The following UCK2 variants were observed in gnomAD, a reference collection of about 807,000 sequenced individuals.
UCK2 encodes the protein cytidine monophosphokinase 2.
In UCK2, 6 loss-of-function variants were observed where a neutral mutation model predicts 30.8. That is an observed-to-expected ratio of 0.19 (90% CI 0.11 to 0.38). The LOEUF (loss-of-function observed/expected upper bound fraction) is 0.38, where lower values mean the gene tolerates loss of function less well. Among genes scored for constraint, UCK2 ranks in the 10% least tolerant of loss-of-function variants. The probability of loss-of-function intolerance (pLI) is 1.00; values close to 1 mark genes in which losing one functional copy is unlikely to be tolerated. For synonymous variants in UCK2, 125 were observed against 133.6 expected, an observed-to-expected ratio of 0.94 and a Z score of 0.45; for missense variants, 210 against 339.8, an observed-to-expected ratio of 0.62 and a Z score of 3.00.
chr1:165,830,563 G>C (rs1654020636), intron 1 of UCK2, among the ~76,000 whole-genome samples: 1 of 151,630 alleles, frequency 6.6e-6, no homozygotes, highest in Admixed American at 6.6e-5. Flanking sequence ...CTGACCTTGT[G>C]ATCCGCCCGC....
chr1:165,869,848 G>A (rs1655151783), intron 1 of UCK2, among the ~76,000 whole-genome samples: 1 of 151,812 alleles, frequency 6.6e-6, no homozygotes, highest in Non-Finnish European at 1.5e-5. Flanking sequence ...TGGACGTCTT[G>A]CAGTGTTGCC....
At chr1:165,869,482 GT>G (rs1414790386) in intron 1 of UCK2, among the ~76,000 whole-genome samples, 25 of 152,028 alleles carry the variant, frequency 1.6e-4, no homozygotes, top group African/African-American at 6.0e-4. Context: ...TCTATATTTA[GT>G]TTTTTGAGGA....
intron 1 of UCK2, among the ~76,000 whole-genome samples, chr1:165,855,995 A>G (rs1654734476): frequency 6.7e-6 from 1 of 150,320 alleles, no homozygotes; most frequent in South Asian, 2.1e-4. Context: ...TGTCTATAGC[A>G]TCTGAGTGTT....
intron 1 of UCK2, among the ~76,000 whole-genome samples, chr1:165,838,793 A>G (rs2101850831): frequency 6.6e-6 from 1 of 151,960 alleles, no homozygotes; most frequent in African/African-American, 2.4e-5. Flanking sequence ...CATGCATGTC[A>G]TCGCAGCACT....
intron 1 of UCK2, among the ~76,000 whole-genome samples, chr1:165,888,867 G>T (rs781033916): frequency 3.3e-5 from 5 of 151,752 alleles, no homozygotes; most frequent in Non-Finnish European, 7.4e-5. Flanking sequence ...ATTAGTCTTT[G>T]TATGAAATGA....
At chr1:165,850,927 ATTTTT>A (rs61491030) in intron 1 of UCK2, among the ~76,000 whole-genome samples, 54,250 of 109,046 alleles carry the variant, frequency 0.5, 13,484 homozygotes, top group Non-Finnish European at 0.61. Context: ...TGGCCTTTAA[ATTTTT>A]TTTTTTTTTT....
intron 1 of UCK2, among the ~76,000 whole-genome samples, chr1:165,888,798 T>G (rs1459066129): frequency 1.3e-5 from 2 of 152,122 alleles, no homozygotes; most frequent in African/African-American, 4.8e-5. Flanking sequence ...ATCAGTTTCA[T>G]TAGAAGACTT....
intron 1 of UCK2, among the ~76,000 whole-genome samples, chr1:165,873,574 C>G (rs949093303): frequency 6.6e-6 from 1 of 152,066 alleles, no homozygotes; most frequent in Non-Finnish European, 1.5e-5. Context: ...TTTTTCACTT[C>G]TTGCAGTGTG....
intron 4 of UCK2, 41 bp downstream of exon 4, chr1:165,896,373 C>A: frequency 6.2e-7 from 1 of 1,610,986 alleles, no homozygotes; most frequent in Non-Finnish European, 8.5e-7. Flanking sequence ...TGGTGGCCAC[C>A]TTGAGGGCGG....
At chr1:165,835,016 G>C (rs1017179150) in intron 1 of UCK2, among the ~76,000 whole-genome samples, 2 of 151,698 alleles carry the variant, frequency 1.3e-5, no homozygotes, top group Non-Finnish European at 2.9e-5. Context: ...CTTTTTTTTG[G>C]CTGACTAGCA....
chr1:165,852,510 A>G (rs1453962591), intron 1 of UCK2, among the ~76,000 whole-genome samples: 1 of 152,222 alleles, frequency 6.6e-6, no homozygotes, highest in Admixed American at 6.5e-5. Context: ...CAAAACCACA[A>G]TGAGATACCA....
At chr1:165,869,982 A>T (rs902779205) in intron 1 of UCK2, among the ~76,000 whole-genome samples, 8 of 152,010 alleles carry the variant, frequency 5.3e-5, no homozygotes, top group African/African-American at 1.9e-4. Context: ...AGTCCATCTT[A>T]CTTATTTTTT....
chr1:165,880,866 C>T (rs1314130583), intron 1 of UCK2, among the ~76,000 whole-genome samples: 2 of 151,836 alleles, frequency 1.3e-5, no homozygotes, highest in African/African-American at 4.8e-5. Flanking sequence ...ACCTCTCTGC[C>T]TTTTTGTTTA....
chr1:165,846,413 T>C (rs1654450533), intron 1 of UCK2, among the ~76,000 whole-genome samples: 1 of 152,214 alleles, frequency 6.6e-6, no homozygotes, highest in Non-Finnish European at 1.5e-5. Flanking sequence ...TCTATAACTG[T>C]GCTGATAAGA....
intron 1 of UCK2, among the ~76,000 whole-genome samples, chr1:165,872,486 A>G (rs941658681): frequency 6.6e-6 from 1 of 152,212 alleles, no homozygotes; most frequent in Admixed American, 6.5e-5. Flanking sequence ...CATTATATAT[A>G]AATTGTTGAT....
intron 1 of UCK2, among the ~76,000 whole-genome samples, chr1:165,887,548 A>C (rs559103900): frequency 3.3e-4 from 50 of 152,300 alleles, no homozygotes; most frequent in African/African-American, 1.2e-3. Flanking sequence ...TCACAATTTG[A>C]ATAACTAGAT....
rs1647859147 is a variant in UCK2 at position 165,911,547 on chromosome 1, C to T, written c.*3724C>T. 6.6e-6 allele frequency: 1 copy of T among 152,146 alleles called. No individual in the cohort carries two copies. The highest frequency in any genetic ancestry group is 2.1e-4 in the South Asian group (1 of 4,826). 9.4% of individuals were successfully genotyped at this position (152,146 alleles called of 1,614,324 possible). A position where few individuals can be genotyped will look rare whatever the true frequency, so the allele number is the denominator to read the frequency against. On this transcript the variant is annotated 3_prime_UTR_variant, in exon 7 of 7. Coordinates refer to ENST00000367879, the MANE Select transcript of UCK2 (RefSeq NM_012474.5). ...TCTCCCTTTTCTTTTTACCACCCTA[C>T]CTTTATTGTTAGTGGTTACAAAGTG...
rs185586684 is a variant in UCK2 at position 165,895,858 on chromosome 1, A to C, written c.357-332A>C. ...TGGAGACGCCTTCAGAGAAAAAAAGAAATCACATCTGTTTTTGTCTGCCTT... is the reference window on the plus strand; with the variant it reads ...TGGAGACGCCTTCAGAGAAAAAAAGCAATCACATCTGTTTTTGTCTGCCTT... On this transcript the variant is annotated intron_variant, in intron 3 of 6. Coordinates refer to ENST00000367879, the MANE Select transcript of UCK2 (RefSeq NM_012474.5). 3.7e-5 allele frequency: 8 copies of C among 214,912 alleles called. No individual in the cohort carries two copies. In the East Asian group the frequency reaches 8.9e-4, roughly 24 times the overall value. 13.3% of individuals were successfully genotyped at this position (214,912 alleles called of 1,614,324 possible).
At chr1:165,879,421 T>G (rs947496528) in intron 1 of UCK2, among the ~76,000 whole-genome samples, 2 of 152,200 alleles carry the variant, frequency 1.3e-5, no homozygotes, top group Non-Finnish European at 2.9e-5. Context: ...ATTTGCATCT[T>G]TGTCATATCA....
Sources: gnomAD v4.1 joint callset for allele counts (sites outside exome capture counted in the v4.1 genomes callset) on GRCh38, gnomAD v4.1.1 for gene constraint, MANE v1.5 for transcripts, NCBI Gene and HGNC (gene_info 2026-07-23, HGNC 2026-07-21) for gene names.